Variants in NUMB observed in about 807,000 individuals in gnomAD.
NUMB encodes protein numb homolog.
In NUMB, 29 loss-of-function variants were observed where a neutral mutation model predicts 59.7. The ratio of observed to expected loss-of-function variants is 0.49; its 90% CI spans 0.36 to 0.66. NUMB has a LOEUF of 0.66. Among genes scored for constraint, NUMB ranks in the 30% least tolerant of loss-of-function variants. The pLI, the probability that NUMB is intolerant of heterozygous loss-of-function variation, is 0.00. For synonymous variants in NUMB, 288 were observed against 288.2 expected (o/e 1.00, Z 0.01); for missense variants, 723 against 822.0 (o/e 0.88, Z 1.47).
rs79590163 is a variant in NUMB at position 73,280,628 on chromosome 14, C to G, written c.1097-1204G>C. Among the ~76,000 whole-genome samples, 354 of 151,230 alleles carry G rather than the reference C, an allele frequency of 2.3e-3. 3 individuals carry two copies. Among genetic ancestry groups the G allele is most frequent in the African/African-American group, 8.1e-3 (334 of 41,226 alleles). On this transcript the variant is annotated intron_variant, in intron 11 of 12. Transcript: ENST00000555238. Reference sequence around the variant, plus strand: ...GTGTAGACAAGCACCCTCCCCTGACCTACAATATAATTATATCCTTTTTAG... The same window carrying G: ...GTGTAGACAAGCACCCTCCCCTGACGTACAATATAATTATATCCTTTTTAG...
chr14:73,457,141 A>C (rs1041812658), intron 1 of NUMB, among the ~76,000 whole-genome samples: 8 of 152,174 alleles, frequency 5.3e-5, no homozygotes, highest in African/African-American at 1.9e-4. Context: ...AAGTGGTGGA[A>C]CTAGAACTCA....
At chr14:73,411,260 C>T (rs996095493) in intron 1 of NUMB, among the ~76,000 whole-genome samples, 4 of 152,028 alleles carry the variant, frequency 2.6e-5, no homozygotes, top group Admixed American at 6.6e-5. Flanking sequence ...CACTATGTTG[C>T]GCAGGCTGAA....
chr14:73,319,171 G>A (rs957870561), intron 5 of NUMB, among the ~76,000 whole-genome samples: 1 of 152,192 alleles, frequency 6.6e-6, no homozygotes, highest in African/African-American at 2.4e-5. Flanking sequence ...GCTGAGGCAG[G>A]AGAATCGCGT....
At chr14:73,397,584 C>T (rs756588824) in intron 2 of NUMB, among the ~76,000 whole-genome samples, 4 of 152,094 alleles carry the variant, frequency 2.6e-5, no homozygotes, top group Non-Finnish European at 4.4e-5. Context: ...AGATATAAGG[C>T]AAAATGGTAA....
chr14:73,359,006 G>A (rs545429546), intron 3 of NUMB, among the ~76,000 whole-genome samples: 1 of 152,276 alleles, frequency 6.6e-6, no homozygotes, highest in Admixed American at 6.5e-5. Context: ...TCCAACCTCT[G>A]TCTAAATAGA....
chr14:73,442,598 CA>C (rs1887889042), intron 1 of NUMB, among the ~76,000 whole-genome samples: 3 of 151,900 alleles, frequency 2.0e-5, no homozygotes, highest in Non-Finnish European at 4.4e-5. Context: ...AATATTGATA[CA>C]CAAATAACAT....
chr14:73,317,872 T>C (rs1891172474), intron 5 of NUMB, among the ~76,000 whole-genome samples: 1 of 152,224 alleles, frequency 6.6e-6, no homozygotes, highest in Non-Finnish European at 1.5e-5. Context: ...AGGTTTTTAA[T>C]GTTGGATAAA....
intron 3 of NUMB, among the ~76,000 whole-genome samples, chr14:73,358,971 T>C (rs1346328378): frequency 2.0e-5 from 3 of 152,170 alleles, no homozygotes; most frequent in Non-Finnish European, 2.9e-5. Flanking sequence ...AAGGAACCAC[T>C]GACAACTTCC....
chr14:73,323,910 G>A (rs751696436), intron 4 of NUMB, among the ~76,000 whole-genome samples: 1 of 152,170 alleles, frequency 6.6e-6, no homozygotes, highest in African/African-American at 2.4e-5. Context: ...TTACCCCAAA[G>A]TATGGTGCTG....
chr14:73,280,350 T>C (rs1888533592), intron 11 of NUMB, among the ~76,000 whole-genome samples: 2 of 152,164 alleles, frequency 1.3e-5, no homozygotes, highest in African/African-American at 2.4e-5. Context: ...ATTTGCTTGA[T>C]AGATTTCTAA....
At chr14:73,416,733 T>C (rs185014204) in intron 1 of NUMB, among the ~76,000 whole-genome samples, 229 of 151,932 alleles carry the variant, frequency 1.5e-3, no homozygotes, top group African/African-American at 5.3e-3. Flanking sequence ...TCCCAGCTAC[T>C]TGGGGGGCTG....
chr14:73,377,053 T>C (rs1001881130), intron 2 of NUMB, among the ~76,000 whole-genome samples: 2 of 152,124 alleles, frequency 1.3e-5, no homozygotes, highest in South Asian at 2.1e-4. Context: ...AACTTAGATA[T>C]AGACCTTAAC....
At chr14:73,358,301 A>G (rs1893919766) in intron 3 of NUMB, among the ~76,000 whole-genome samples, 1 of 152,206 alleles carries the variant, frequency 6.6e-6, no homozygotes, top group Admixed American at 6.5e-5. Context: ...AAATCTGACC[A>G]TGTATCCACT....
chr14:73,296,826 C>A (rs566010301), intron 7 of NUMB, among the ~76,000 whole-genome samples: 36 of 152,248 alleles, frequency 2.4e-4, no homozygotes, highest in Admixed American at 4.6e-4. Flanking sequence ...AGTTCGAGAT[C>A]AGCCTGGCCA....
At chr14:73,430,810 T>C (rs964306101) in intron 1 of NUMB, among the ~76,000 whole-genome samples, 1 of 151,796 alleles carries the variant, frequency 6.6e-6, no homozygotes, top group African/African-American at 2.4e-5. Context: ...CTGGGTGTGG[T>C]GGCGGGCGCC....
intron 2 of NUMB, among the ~76,000 whole-genome samples, chr14:73,389,239 C>T (rs1895706249): frequency 7.2e-6 from 1 of 139,498 alleles, no homozygotes; most frequent in African/African-American, 2.7e-5. Flanking sequence ...CCACTGAACT[C>T]CAGCCTGGGT....
At chr14:73,320,405 T>C (rs1891341292) in intron 5 of NUMB, among the ~76,000 whole-genome samples, 1 of 152,162 alleles carries the variant, frequency 6.6e-6, no homozygotes, top group Non-Finnish European at 1.5e-5. Context: ...TTTTTTATTA[T>C]TTATTTTTAT....
intron 2 of NUMB, among the ~76,000 whole-genome samples, chr14:73,408,641 G>T (rs2140130345): frequency 6.6e-6 from 1 of 152,232 alleles, no homozygotes; most frequent in South Asian, 2.1e-4. Context: ...ACTTTGGGAA[G>T]CCAAGGAGGG....
intron 5 of NUMB, among the ~76,000 whole-genome samples, chr14:73,320,025 G>C (rs201279879): frequency 6.6e-6 from 1 of 151,910 alleles, no homozygotes; most frequent in Non-Finnish European, 1.5e-5. Flanking sequence ...CCAGCTACTC[G>C]GGAGGCTGAG....
Sources: allele counts gnomAD v4.1 joint callset (sites outside exome capture counted in the v4.1 genomes callset), GRCh38; gene constraint gnomAD v4.1.1; transcripts MANE v1.5; gene names NCBI Gene and HGNC (gene_info 2026-07-23, HGNC 2026-07-21).